The following MCC variants were observed in gnomAD, a reference collection of about 807,000 sequenced individuals.
MCC encodes colorectal mutant cancer protein.
In MCC, 90 loss-of-function variants were observed where a neutral mutation model predicts 116.2. The observed-to-expected ratio is 0.77, with a 90% confidence interval of 0.65 to 0.92. MCC has a LOEUF of 0.92. Ranked by LOEUF, MCC falls within the 40% of genes least tolerant of loss-of-function variation. The pLI is 0.00. For missense variants in MCC, 1,516 were observed against 1,312.2 expected (o/e 1.16, Z -2.40); for synonymous variants, 578 against 510.5 (o/e 1.13, Z -1.78).
intron 2 of MCC, among the ~76,000 whole-genome samples, chr5:113,354,820 T>A (rs986801825): frequency 4.7e-5 from 4 of 84,570 alleles, no homozygotes; most frequent in Non-Finnish European, 1.1e-4. Context: ...ACATCCAGAA[T>A]TAATGGCCTT....
chr5:113,032,977 G>A (rs1278937184), intron 17 of MCC, among the ~76,000 whole-genome samples: 2 of 152,226 alleles, frequency 1.3e-5, no homozygotes, highest in Admixed American at 6.5e-5. Flanking sequence ...ATATTATCAA[G>A]AAGTAACCAT....
chr5:113,107,926 C>T (rs535787772), intron 6 of MCC, among the ~76,000 whole-genome samples: 3 of 152,142 alleles, frequency 2.0e-5, no homozygotes, highest in East Asian at 1.9e-4. Flanking sequence ...GGGCAGTTGC[C>T]GAGCCCTGAC....
chr5:113,154,846 T>C (rs1003829734), intron 3 of MCC, among the ~76,000 whole-genome samples: 13 of 152,242 alleles, frequency 8.5e-5, no homozygotes, highest in African/African-American at 3.1e-4. Context: ...CAAATCAGGA[T>C]ATTTAAAATA....
At chr5:113,270,986 G>C (rs569805519) in intron 3 of MCC, among the ~76,000 whole-genome samples, 1 of 152,000 alleles carries the variant, frequency 6.6e-6, no homozygotes, top group East Asian at 1.9e-4. Context: ...GCTAAGACAA[G>C]GATAAAAATA....
intron 1 of MCC, among the ~76,000 whole-genome samples, chr5:113,394,980 T>C (rs999934708): frequency 6.6e-6 from 1 of 152,228 alleles, no homozygotes; most frequent in Non-Finnish European, 1.5e-5. Flanking sequence ...AGAGACCATA[T>C]GGCCCACAAA....
chr5:113,268,809 C>T (rs985788997), intron 3 of MCC, among the ~76,000 whole-genome samples: 1 of 152,058 alleles, frequency 6.6e-6, no homozygotes, highest in African/African-American at 2.4e-5. Context: ...CTAGAATGTC[C>T]AAGCACTGAG....
intron 1 of MCC, among the ~76,000 whole-genome samples, chr5:113,420,184 CTTATA>C (rs968192596): frequency 1.3e-5 from 2 of 150,316 alleles, no homozygotes; most frequent in African/African-American, 4.9e-5. Flanking sequence ...ATATAAAAAT[CTTATA>C]TTAAGATTAA....
At chr5:113,376,574 T>TATATACACACACACACACAC (rs10633405) in intron 2 of MCC, among the ~76,000 whole-genome samples, 4 of 145,774 alleles carry the variant, frequency 2.7e-5, no homozygotes, top group African/African-American at 1.0e-4. Flanking sequence ...CCATATTTTA[T>TATATACACACACACACACAC]ACACACACAC....
At chr5:113,458,878 G>A (rs999773333) in intron 1 of MCC, among the ~76,000 whole-genome samples, 1 of 152,200 alleles carries the variant, frequency 6.6e-6, no homozygotes, top group African/African-American at 2.4e-5. Flanking sequence ...CAATTGACCA[G>A]AGGAATCTTC....
chr5:113,105,139 TTCTG>T, intron 6 of MCC, among the ~76,000 whole-genome samples: 1 of 152,250 alleles, frequency 6.6e-6, no homozygotes, highest in Non-Finnish European at 1.5e-5. Flanking sequence ...CTGTTTTGGA[TTCTG>T]TCTATCGCCA....
intron 3 of MCC, among the ~76,000 whole-genome samples, chr5:113,291,968 A>G (rs1334656173): frequency 6.6e-6 from 1 of 152,204 alleles, no homozygotes; most frequent in Non-Finnish European, 1.5e-5. Flanking sequence ...ATCTTTACAC[A>G]TATTCTAATT....
At chr5:113,091,466 G>T (rs779886660) in intron 8 of MCC, among the ~76,000 whole-genome samples, 8 of 152,182 alleles carry the variant, frequency 5.3e-5, no homozygotes, top group Non-Finnish European at 1.0e-4. Context: ...TAGGGGAAAT[G>T]AAAATAAAGC....
At chr5:113,085,478 A>G (rs907533840) in intron 8 of MCC, among the ~76,000 whole-genome samples, 168 bp from the exon 9 acceptor site, 7 of 152,244 alleles carry the variant, frequency 4.6e-5, no homozygotes, top group Non-Finnish European at 1.0e-4. Context: ...TTTCGGACTA[A>G]TAATTTTTTT....
chr5:113,228,770 G>C (rs1352403042), intron 3 of MCC, among the ~76,000 whole-genome samples: 3 of 152,172 alleles, frequency 2.0e-5, no homozygotes, highest in Admixed American at 6.5e-5. Flanking sequence ...GCAGAGACCA[G>C]TTACAAAAAC....
At position 113,104,242 on chromosome 5, in the gene MCC, G is replaced by A; in HGVS notation, c.1141C>T (p.His381Tyr). The A allele has an allele frequency of 6.2e-7, 1 of 1,614,040 alleles. No individual in the cohort carries two copies. Among genetic ancestry groups the A allele is most frequent in the Non-Finnish European group, 8.5e-7 (1 of 1,180,008 alleles). Residue 381 changes from histidine (H) to tyrosine (Y), a missense_variant, in exon 7 of 19, where the codon CAC becomes TAC. His to Tyr is a moderately conservative substitution (Grantham distance 83, BLOSUM62 2). Coordinates refer to ENST00000408903, the MANE Select transcript of MCC (RefSeq NM_001085377.2). ...CSLSVAEVDK[H>Y]IEQLTTASEH... ...CTGGCTGTGGTGAGCTGCTCAATGT[G>A]CTTGTCCACCTCGGCCACGGAGAGG... is the stretch of plus-strand genomic sequence containing the variant.
At chr5:113,141,751 A>C (rs1759194016) in intron 5 of MCC, among the ~76,000 whole-genome samples, 1 of 152,230 alleles carries the variant, frequency 6.6e-6, no homozygotes, top group African/African-American at 2.4e-5. Flanking sequence ...CAAGAAGCTC[A>C]CTGCATTTCA....
chr5:113,450,962 C>CT (rs1306943282), intron 1 of MCC, among the ~76,000 whole-genome samples: 1 of 152,126 alleles, frequency 6.6e-6, no homozygotes, highest in South Asian at 2.1e-4. Flanking sequence ...CCCTACCCTC[C>CT]TTTTTTTTCA....
Position 113,024,692 on chromosome 5 carries a change from C to A in MCC, c.*2610G>T, listed in dbSNP as rs1014964311. 9 of 152,096 alleles carry A rather than the reference C, an allele frequency of 5.9e-5. No individual in the cohort carries two copies. The highest frequency in any genetic ancestry group is 2.2e-4 in the African/African-American group (9 of 41,410). 9.4% of individuals were successfully genotyped at this position (152,096 alleles called of 1,614,324 possible). A position where few individuals can be genotyped will look rare whatever the true frequency, so the allele number is the denominator to read the frequency against. ...GTTTGTTAGAGAAAAATTCAGGTAG[C>A]GCCAGGTTATTCACAAAGGAAAATT... On this transcript the variant is annotated 3_prime_UTR_variant, in exon 19 of 19. Coordinates refer to ENST00000408903, the MANE Select transcript of MCC (RefSeq NM_001085377.2).
rs1469058009 is a variant in MCC at position 113,333,846 on chromosome 5, T to TATATATACACATATGTAC, written c.627+6672_627+6673insGTACATATGTGTATATAT. Reference sequence around the variant, plus strand: ...ATATATGTATATATGTATATATGTATATATGTACATATATGTATATATGTA... The same window carrying TATATATACACATATGTAC: ...ATATATGTATATATGTATATATGTATATATATACACATATGTACATATGTACATATATGTATATATGTA... On this transcript the variant is annotated intron_variant, in intron 3 of 18. Coordinates refer to ENST00000408903, the MANE Select transcript of MCC (RefSeq NM_001085377.2). Among the ~76,000 whole-genome samples, 15 of 62,640 alleles carry TATATATACACATATGTAC rather than the reference T, an allele frequency of 2.4e-4. 3 individuals are homozygous for TATATATACACATATGTAC. The highest frequency in any genetic ancestry group is 1.0e-3 in the African/African-American group (15 of 14,464). 41.1% of individuals were successfully genotyped at this position (62,640 alleles called of 152,430 possible). A position where few individuals can be genotyped will look rare whatever the true frequency, so the allele number is the denominator to read the frequency against.
Sources: allele counts gnomAD v4.1 joint callset (sites outside exome capture counted in the v4.1 genomes callset), GRCh38; gene constraint gnomAD v4.1.1; transcripts MANE v1.5; gene names NCBI Gene and HGNC (gene_info 2026-07-23, HGNC 2026-07-21).